RAB11FIP3: variants seen among roughly 807,000 people sequenced by gnomAD.
RAB11FIP3 encodes the protein rab11 family-interacting protein 3.
In RAB11FIP3, 17 loss-of-function variants were observed where a neutral mutation model predicts 77.8. The ratio of observed to expected loss-of-function variants is 0.22; its 90% CI spans 0.15 to 0.33. RAB11FIP3 has a LOEUF of 0.33. Ranked by LOEUF, RAB11FIP3 falls within the 10% of genes least tolerant of loss-of-function variation. RAB11FIP3 has a pLI of 1.00. For missense variants in RAB11FIP3, 1,005 were observed against 1,011.2 expected (o/e 0.99, Z 0.08); for synonymous variants, 437 against 448.2 (o/e 0.98, Z 0.31).
At chr16:490,299 G>A (rs186264392) in intron 5 of RAB11FIP3, among the ~76,000 whole-genome samples, 43 of 152,330 alleles carry the variant, frequency 2.8e-4, no homozygotes, top group Non-Finnish European at 5.0e-4. Context: ...AGAAGCCCTT[G>A]GAGGTGAAGT....
At chr16:456,159 C>T (rs2055499729) in intron 1 of RAB11FIP3, among the ~76,000 whole-genome samples, 1 of 151,476 alleles carries the variant, frequency 6.6e-6, no homozygotes, top group Admixed American at 6.6e-5. Context: ...TGGTGAAACC[C>T]CATCTGTAAG....
chr16:460,839 G>T (rs2055592947), intron 1 of RAB11FIP3, among the ~76,000 whole-genome samples: 1 of 152,196 alleles, frequency 6.6e-6, no homozygotes, highest in South Asian at 2.1e-4. Context: ...ATCACGCCAG[G>T]TGCTGCTGGC....
At chr16:484,772 G>A (rs1465268318) in intron 4 of RAB11FIP3, among the ~76,000 whole-genome samples, 1 of 152,214 alleles carries the variant, frequency 6.6e-6, no homozygotes, top group African/African-American at 2.4e-5. Context: ...GTTCACTGTC[G>A]TTGGCTTTGA....
At position 472,400 on chromosome 16, in the gene RAB11FIP3, G is replaced by A. The variant is rs2055825379; in HGVS notation, c.903+1011G>A. ...CGTGGGTCCCATGTTTGGCCTTGGT[G>A]TGCTCTTTCTGCACGTGAGGCAGCA... On this transcript the variant is annotated intron_variant, in intron 3 of 13. Coordinates refer to ENST00000262305, the MANE Select transcript of RAB11FIP3 (RefSeq NM_014700.4). This position sits in a 1 kb window ranked among gnomAD's most constrained non-coding sequence, Gnocchi z 4.1. Among the ~76,000 whole-genome samples, 1 of 152,230 alleles carries A rather than the reference G, an allele frequency of 6.6e-6. No individual in the cohort carries two copies. The highest frequency in any genetic ancestry group is 2.4e-5 in the African/African-American group (1 of 41,448).
intron 1 of RAB11FIP3, among the ~76,000 whole-genome samples, chr16:429,395 A>G (rs1265102013): frequency 1.3e-5 from 2 of 152,252 alleles, no homozygotes; most frequent in East Asian, 3.9e-4. Flanking sequence ...AAAGGTCATA[A>G]GTTTTTGTAC....
chr16:468,581 A>G (rs1488781099), intron 2 of RAB11FIP3, among the ~76,000 whole-genome samples: 1 of 152,098 alleles, frequency 6.6e-6, no homozygotes, highest in African/African-American at 2.4e-5. Flanking sequence ...GTTGTCTGTC[A>G]GCCCTGTCTG....
chr16:494,721 A>G (rs1447222428), intron 5 of RAB11FIP3, among the ~76,000 whole-genome samples: 1 of 151,872 alleles, frequency 6.6e-6, no homozygotes, highest in Admixed American at 6.6e-5. Flanking sequence ...ACTACAAAGA[A>G]TGGGCTGAGT....
intron 1 of RAB11FIP3, among the ~76,000 whole-genome samples, chr16:446,989 A>G (rs1369617162): frequency 6.6e-6 from 1 of 151,160 alleles, no homozygotes; most frequent in Non-Finnish European, 1.5e-5. Context: ...GTGAGCCACC[A>G]TGCCCGGCTT....
intron 1 of RAB11FIP3, among the ~76,000 whole-genome samples, chr16:442,620 T>C (rs1040968755): frequency 2.6e-4 from 40 of 152,150 alleles, no homozygotes; most frequent in Non-Finnish European, 5.9e-5. Context: ...TTCGGTGTCA[T>C]GCTACTTTTT....
chr16:458,272 A>AC (rs1270009557), intron 1 of RAB11FIP3, among the ~76,000 whole-genome samples: 2 of 152,006 alleles, frequency 1.3e-5, no homozygotes, highest in East Asian at 3.9e-4. Context: ...CACGTGCTAC[A>AC]CCCCCCATCC....
At position 522,636 on chromosome 16, in the gene RAB11FIP3, C is replaced by T. The variant is rs182432515; in HGVS notation, c.*1797C>T. The T allele has an allele frequency of 1.3e-5, 2 of 152,372 alleles. No homozygotes were observed. Among genetic ancestry groups the T allele is most frequent in the Admixed American group, 6.5e-5 (1 of 15,300 alleles). 9.4% of individuals were successfully genotyped at this position (152,372 alleles called of 1,614,324 possible). A position where few individuals can be genotyped will look rare whatever the true frequency, so the allele number is the denominator to read the frequency against. On this transcript the variant is annotated 3_prime_UTR_variant, in exon 14 of 14. Transcript: ENST00000262305. ...GCTCTGCAGCTTGGTCAGACTAAGA[C>T]CCTTCCAAGGCCGTAGGATTGCACC...
In RAB11FIP3 at chr16:462,494, C is replaced by G. The variant is rs573669897; in HGVS notation, c.808+997C>G. On this transcript the variant is annotated intron_variant, in intron 2 of 13. Coordinates refer to ENST00000262305, the MANE Select transcript of RAB11FIP3 (RefSeq NM_014700.4). ...AGGTGATCCGCCTGCCTCAGCCTCC[C>G]AAGGCTGAGGTGCTGGGATTACAGG... is the stretch of plus-strand genomic sequence containing the variant. Among the ~76,000 whole-genome samples the G allele has an allele frequency of 3.9e-5, 6 of 152,262 alleles. No individual in the cohort carries two copies. The East Asian group carries it at 7.7e-4, about 20-fold the overall frequency.
intron 6 of RAB11FIP3, among the ~76,000 whole-genome samples, chr16:501,613 T>G (rs1041291470): frequency 6.8e-6 from 1 of 147,148 alleles, no homozygotes; most frequent in African/African-American, 2.6e-5. Flanking sequence ...TCCCCCCATT[T>G]CACAGGCAAG....
chr16:491,769 T>C (rs1245613350), intron 5 of RAB11FIP3, among the ~76,000 whole-genome samples: 1 of 152,184 alleles, frequency 6.6e-6, no homozygotes, highest in Admixed American at 6.5e-5. Flanking sequence ...GAAGACGGTT[T>C]TGAGTGCTTT....
At chr16:519,655 G>A in intron 10 of RAB11FIP3, 99 bp from the exon 11 acceptor site, 1 of 1,499,864 alleles carries the variant, frequency 6.7e-7, no homozygotes, top group Non-Finnish European at 9.1e-7. Flanking sequence ...CCGCGTTGCT[G>A]TTGGGAGACT....
intron 9 of RAB11FIP3, among the ~76,000 whole-genome samples, chr16:516,592 G>C (rs926976354): frequency 2.6e-5 from 4 of 152,180 alleles, no homozygotes; most frequent in African/African-American, 9.7e-5. Flanking sequence ...GAACAGAAAA[G>C]AGGGCCGGGC....
chr16:450,716 A>G (rs1714380046), intron 1 of RAB11FIP3, among the ~76,000 whole-genome samples: 2 of 152,180 alleles, frequency 1.3e-5, no homozygotes, highest in Admixed American at 1.3e-4. Context: ...TGACCTTGAA[A>G]GCAAGGTGGG....
chr16:486,857 C>A (rs1312399500), intron 4 of RAB11FIP3, among the ~76,000 whole-genome samples: 2 of 152,212 alleles, frequency 1.3e-5, no homozygotes, highest in Non-Finnish European at 1.5e-5. Flanking sequence ...GGCCGATGGA[C>A]CAGTGTGTGT....
chr16:520,611 C>T lies in RAB11FIP3; in HGVS notation c.2157+12C>T, dbSNP rs758724849. On this transcript the variant is annotated intron_variant, in intron 13 of 13. Transcript: ENST00000262305. ...TCTCCCGAGATGAGGTAACACATCCCGTGTCTGCACGGTGTGGCCTGGGGT... is the reference window on the plus strand; with the variant it reads ...TCTCCCGAGATGAGGTAACACATCCTGTGTCTGCACGGTGTGGCCTGGGGT... The T allele has an allele frequency of 8.7e-6, 14 of 1,612,510 alleles. No homozygotes were observed. Among genetic ancestry groups the T allele is most frequent in the Middle Eastern group, 1.7e-4 (1 of 6,060 alleles).
Sources: gnomAD v4.1 joint callset for allele counts (sites outside exome capture counted in the v4.1 genomes callset) on GRCh38, gnomAD v4.1.1 for gene constraint, Gnocchi (gnomAD v3.1) non-coding constraint, MANE v1.5 for transcripts, NCBI Gene and HGNC (gene_info 2026-07-23, HGNC 2026-07-21) for gene names.